OR51B5: variants seen among roughly 807,000 people sequenced by gnomAD.
The protein encoded by OR51B5 is olfactory receptor 51B5.
For missense variants in OR51B5, 456 were observed against 374.6 expected (o/e 1.22, Z -1.79); for synonymous variants, 186 against 144.8 (o/e 1.28, Z -2.04).
intron 1 of OR51B5, among the ~76,000 whole-genome samples, chr11:5,396,206 G>T (rs1237272563): frequency 6.6e-6 from 1 of 152,152 alleles, no homozygotes; most frequent in Admixed American, 6.5e-5. Flanking sequence ...CATAGTGTTG[G>T]AAGTTCTGGC....
intron 1 of OR51B5, chr11:5,352,048 G>C: frequency 6.2e-7 from 1 of 1,613,998 alleles, no homozygotes; most frequent in East Asian, 2.2e-5. Flanking sequence ...TCTACACCAA[G>C]ATGTCATCAA....
At chr11:5,360,493 A>G (rs1849266536) in intron 1 of OR51B5, among the ~76,000 whole-genome samples, 1 of 150,906 alleles carries the variant, frequency 6.6e-6, no homozygotes, top group Non-Finnish European at 1.5e-5. Flanking sequence ...AGGAAACAAC[A>G]GGTGCTGGAG....
intron 1 of OR51B5, among the ~76,000 whole-genome samples, chr11:5,414,751 A>G (rs966550266): frequency 6.6e-6 from 1 of 152,246 alleles, no homozygotes; most frequent in African/African-American, 2.4e-5. Context: ...TGCACCCAAT[A>G]CAGGAGCACC....
At chr11:5,461,308 C>A (rs966468493) in intron 1 of OR51B5, among the ~76,000 whole-genome samples, 1 of 152,150 alleles carries the variant, frequency 6.6e-6, no homozygotes, top group Non-Finnish European at 1.5e-5. Flanking sequence ...CAGGTGCACA[C>A]CTGCAAGGAT....
chr11:5,412,515 G>T (rs1006294250), intron 1 of OR51B5, among the ~76,000 whole-genome samples: 1 of 152,224 alleles, frequency 6.6e-6, no homozygotes, highest in Non-Finnish European at 1.5e-5. Flanking sequence ...AGCGCAAGGG[G>T]TCAGGGAGTT....
At chr11:5,498,996 G>A (rs951789778) in intron 1 of OR51B5, among the ~76,000 whole-genome samples, 3 of 152,206 alleles carry the variant, frequency 2.0e-5, no homozygotes, top group African/African-American at 7.2e-5. Context: ...ACAGGTCAGG[G>A]AGCTATTATT....
chr11:5,486,792 C>G (rs1851505653), intron 1 of OR51B5, among the ~76,000 whole-genome samples: 1 of 152,104 alleles, frequency 6.6e-6, no homozygotes, highest in Non-Finnish European at 1.5e-5. Context: ...TGTCTCATAA[C>G]TTCCTAAACA....
chr11:5,440,694 A>G (rs1437604172), intron 1 of OR51B5: 1 of 1,613,980 alleles, frequency 6.2e-7, no homozygotes, highest in Admixed American at 1.7e-5. Flanking sequence ...CATGACATGA[A>G]CAACAGGTGG....
intron 1 of OR51B5, among the ~76,000 whole-genome samples, chr11:5,413,276 A>T (rs950238821): frequency 6.6e-6 from 1 of 152,156 alleles, no homozygotes; most frequent in African/African-American, 2.4e-5. Flanking sequence ...CACACCAAAA[A>T]CCCATCTGTA....
intron 1 of OR51B5, chr11:5,453,921 G>A (rs774911095): frequency 8.1e-6 from 13 of 1,613,934 alleles, no homozygotes; most frequent in African/African-American, 1.3e-5. Flanking sequence ...TGCTGCAATG[G>A]GTTTAGGTGC....
intron 1 of OR51B5, chr11:5,403,311 G>T (rs754111029): frequency 4.2e-6 from 2 of 471,656 alleles, no homozygotes; most frequent in Non-Finnish European, 8.8e-6. Flanking sequence ...GAGGAAGAAG[G>T]CACTCAACAC....
intron 1 of OR51B5, chr11:5,488,579 AT>A: frequency 1.1e-5 from 8 of 740,570 alleles, no homozygotes; most frequent in South Asian, 3.8e-5. Flanking sequence ...TGAAAAACAA[AT>A]TTTTTTAGTC....
intron 1 of OR51B5, chr11:5,441,435 G>T: frequency 6.2e-7 from 1 of 1,613,900 alleles, no homozygotes; most frequent in Non-Finnish European, 8.5e-7. Context: ...GGCAACCCAG[G>T]TGAGGCCTGT....
At chr11:5,496,246 G>A (rs1851648953) in intron 1 of OR51B5, among the ~76,000 whole-genome samples, 1 of 62,950 alleles carries the variant, frequency 1.6e-5, no homozygotes, top group Admixed American at 1.8e-4. Flanking sequence ...TCTTCTCATA[G>A]GGCCCCTTGC....
At chr11:5,391,315 G>A (rs988041849) in intron 1 of OR51B5, 2 of 152,154 alleles carry the variant, frequency 1.3e-5, no homozygotes, top group African/African-American at 4.8e-5. Flanking sequence ...CAATGGTAAA[G>A]CACCAAATGC....
chr11:5,485,429 C>T (rs190720410), intron 1 of OR51B5, among the ~76,000 whole-genome samples: 50 of 152,274 alleles, frequency 3.3e-4, no homozygotes, highest in Admixed American at 1.1e-3. Flanking sequence ...TCCCTGGTGC[C>T]GTCAGCATAA....
intron 1 of OR51B5, chr11:5,441,660 C>A (rs964242052): frequency 3.1e-6 from 2 of 651,618 alleles, no homozygotes; most frequent in South Asian, 3.9e-5. Flanking sequence ...ACACTCATCT[C>A]TTTAAGGAAG....
chr11:5,482,155 G>C (rs1381936431), intron 1 of OR51B5, among the ~76,000 whole-genome samples: 5 of 112,438 alleles, frequency 4.4e-5, no homozygotes, highest in South Asian at 3.9e-4. Flanking sequence ...TACCAAAACA[G>C]AGATATAGAT....
At chr11:5,390,725 A>G (rs1849782968) in intron 1 of OR51B5, 1 of 195,626 alleles carries the variant, frequency 5.1e-6, no homozygotes, top group Non-Finnish European at 1.1e-5. Context: ...AGAGCCTGGC[A>G]GAGACCAGGT....
Sources: allele counts gnomAD v4.1 joint callset (sites outside exome capture counted in the v4.1 genomes callset), GRCh38; gene constraint gnomAD v4.1.1; transcripts MANE v1.5; gene names NCBI Gene and HGNC (gene_info 2026-07-23, HGNC 2026-07-21).